Variants in TDP2 observed in about 807,000 individuals in gnomAD.
TDP2 encodes the protein 5'-Tyr-DNA phosphodiesterase.
Under a neutral mutation model 42.8 loss-of-function variants are expected in TDP2, and 38 were observed. The observed-to-expected ratio is 0.89, with a 90% CI of 0.68 to 1.16. The LOEUF is 1.16. Ranked by LOEUF, TDP2 falls within the 50% of genes most tolerant of loss-of-function variation. The pLI is 0.00. For missense variants in TDP2, 439 were observed against 439.3 expected, an observed-to-expected ratio of 1.00 and a Z score of 0.01; for synonymous variants, 173 against 150.6, an observed-to-expected ratio of 1.15 and a Z score of -1.09.
intron 2 of TDP2, among the ~76,000 whole-genome samples, chr6:24,660,839 T>C (rs1423806163): frequency 6.6e-6 from 1 of 152,246 alleles, no homozygotes; most frequent in Non-Finnish European, 1.5e-5. Context: ...ACAGGCCATT[T>C]ATCTTACAGA....
chr6:24,665,768 T>TA (rs1437087580), intron 2 of TDP2, among the ~76,000 whole-genome samples: 1 of 152,016 alleles, frequency 6.6e-6, no homozygotes, highest in South Asian at 2.1e-4. Flanking sequence ...TAAGAGTACC[T>TA]AAAAGGGGAC....
chr6:24,665,662 C>A (rs1384869799), intron 2 of TDP2, among the ~76,000 whole-genome samples: 1 of 152,100 alleles, frequency 6.6e-6, no homozygotes, highest in Middle Eastern at 3.2e-3. Flanking sequence ...AACAGATACT[C>A]CTTACTAGAT....
intron 2 of TDP2, among the ~76,000 whole-genome samples, chr6:24,664,165 G>A (rs1778195606): frequency 6.6e-6 from 1 of 152,092 alleles, no homozygotes; most frequent in African/African-American, 2.4e-5. Flanking sequence ...TCAAAATACA[G>A]ATTCTGATTC....
chr6:24,665,362 A>T (rs1778213666), intron 2 of TDP2, among the ~76,000 whole-genome samples: 1 of 152,256 alleles, frequency 6.6e-6, no homozygotes, highest in Admixed American at 6.5e-5. Flanking sequence ...CTCCTAGTCC[A>T]ACTTGCTCTG....
intron 2 of TDP2, among the ~76,000 whole-genome samples, chr6:24,664,583 G>A (rs955436370): frequency 6.6e-6 from 1 of 152,162 alleles, no homozygotes; most frequent in Non-Finnish European, 1.5e-5. Context: ...CCAGAATTGA[G>A]ATTCCTGCGC....
chr6:24,666,367 G>T, intron 2 of TDP2, 159 bp downstream of exon 2: 3 of 1,417,530 alleles, frequency 2.1e-6, no homozygotes, highest in South Asian at 2.6e-5. Context: ...GCAACTCCGC[G>T]CAGCAGCAGC....
intron 2 of TDP2, among the ~76,000 whole-genome samples, chr6:24,663,952 G>A (rs1381847902): frequency 1.3e-5 from 2 of 152,142 alleles, no homozygotes; most frequent in Non-Finnish European, 2.9e-5. Context: ...TTTCCTTTTG[G>A]AAAAATGAAA....
rs762368465 is a variant in TDP2 at position 24,666,868 on chromosome 6, T to G, written c.-6A>C. On this transcript the variant is annotated 5_prime_UTR_variant, in exon 1 of 7. Transcript: ENST00000378198. The stretch of plus-strand genomic sequence containing the variant: ...AGGCAACTCCCCAACTCCATCTTCC[T>G]GCCGCCTCTGCACCGCCCCTTTAAG... The G allele has an allele frequency of 1.2e-5, 19 of 1,612,998 alleles. No individual in the cohort carries two copies. In the African/African-American group the frequency reaches 2.1e-4, roughly 18 times the overall value.
Position 24,650,802 on chromosome 6 carries a change from C to G in TDP2, c.1075G>C (p.Asp359His). 2.5e-6 allele frequency: 4 copies of G among 1,613,774 alleles called. No individual in the cohort carries two copies. The highest frequency in any genetic ancestry group is 3.4e-6 in the Non-Finnish European group (4 of 1,179,828). ...SDHWGLLCNL[D>H]IIL ...TGAAAAGCATTTTACAATATTATAT[C>G]TAAGTTGCACAGAAGACCCCAGTGA... Residue 359 changes from aspartate to histidine, a missense_variant, in exon 7 of 7, where the codon GAT becomes CAT. Coordinates refer to ENST00000378198, the MANE Select transcript of TDP2 (RefSeq NM_016614.3).
Position 24,666,871 on chromosome 6 carries a change from C to T in TDP2, c.-9G>A, listed in dbSNP as rs369863568. 4.6e-4 allele frequency: 748 copies of T among 1,613,050 alleles called. 3 individuals carry two copies. In the African/African-American group the frequency reaches 5.9e-3, roughly 13 times the overall value. On this transcript the variant is annotated 5_prime_UTR_variant, in exon 1 of 7. Coordinates refer to ENST00000378198, the MANE Select transcript of TDP2 (RefSeq NM_016614.3). ...CAACTCCCCAACTCCATCTTCCTGCCGCCTCTGCACCGCCCCTTTAAGCGG... is the reference window on the plus strand; with the variant it reads ...CAACTCCCCAACTCCATCTTCCTGCTGCCTCTGCACCGCCCCTTTAAGCGG...
chr6:24,660,237 G>A (rs1238826293), intron 2 of TDP2, among the ~76,000 whole-genome samples: 2 of 151,902 alleles, frequency 1.3e-5, no homozygotes, highest in East Asian at 1.9e-4. Flanking sequence ...TCCTAAACAC[G>A]AAGACATGCT....
In TDP2 at chr6:24,664,181, G is replaced by T. The variant is rs552922597; in HGVS notation, c.251+2345C>A. ...CAAAATACAGATTCTGATTCAGTAG[G>T]TCTGGGTGAGACCTAAGATTCTGCA... On this transcript the variant is annotated intron_variant, in intron 2 of 6. Coordinates refer to ENST00000378198, the MANE Select transcript of TDP2 (RefSeq NM_016614.3). 2.0e-5 allele frequency among the ~76,000 whole-genome samples: 3 copies of T among 152,048 alleles called. No individual in the cohort carries two copies. In the South Asian group the frequency reaches 6.2e-4, roughly 32 times the overall value.
intron 3 of TDP2, among the ~76,000 whole-genome samples, chr6:24,658,251 G>A (rs1041836309): frequency 2.0e-5 from 3 of 152,220 alleles, no homozygotes; most frequent in African/African-American, 7.2e-5. Context: ...GAGAACTTAA[G>A]TGATTTGGCC....
At position 24,658,729 on chromosome 6, in the gene TDP2, T is replaced by G; in HGVS notation, c.257A>C (p.Asp86Ala). ...ATCAGTTGTTTCTTCATTGGTTAGG[T>G]CAACACTGGCAAGATCAGAATAAAA... is the stretch of plus-strand genomic sequence containing the variant. The part of the protein sequence containing the change: ...ETISEPKTYV[D>A]LTNEETTDST... The change falls in exon 3 of 7, where the codon GAC becomes GCC. Residue 86 changes from aspartate to alanine, a missense_variant. Transcript: ENST00000378198. 6.2e-7 allele frequency: 1 copy of G among 1,613,072 alleles called. No homozygotes were observed. The highest frequency in any genetic ancestry group is 8.5e-7 in the Non-Finnish European group (1 of 1,179,536).
At chr6:24,666,242 G>A (rs1397945796) in intron 2 of TDP2, 4 of 1,544,468 alleles carry the variant, frequency 2.6e-6, no homozygotes, top group Admixed American at 4.1e-5. Context: ...CAAACCTCTC[G>A]CTTACTTATT....
intron 2 of TDP2, among the ~76,000 whole-genome samples, chr6:24,665,758 T>C (rs1455588826): frequency 2.6e-5 from 4 of 152,162 alleles, no homozygotes; most frequent in Non-Finnish European, 5.9e-5. Context: ...CAGGATGCTA[T>C]AAGAGTACCT....
intron 2 of TDP2, among the ~76,000 whole-genome samples, chr6:24,664,643 T>C (rs1778203395): frequency 6.6e-6 from 1 of 152,224 alleles, no homozygotes; most frequent in African/African-American, 2.4e-5. Flanking sequence ...TGAGTTTTTC[T>C]GGTCATAAAA....
intron 2 of TDP2, among the ~76,000 whole-genome samples, chr6:24,661,758 T>C (rs1192341985): frequency 6.6e-6 from 1 of 152,192 alleles, no homozygotes; most frequent in African/African-American, 2.4e-5. Flanking sequence ...GTGAATTTCA[T>C]CCTACCCAAA....
Position 24,666,781 on chromosome 6 carries a change from G to C in TDP2, c.82C>G (p.Leu28Val), listed in dbSNP as rs146127613. The stretch of plus-strand genomic sequence containing the variant: ...GCGACCGAGGCAAACTCCACACACA[G>C]AAGTCGCCGCTTTTTCACCTCAGGC... Reference protein sequence around the residue: ...GEPEVKKRRLLCVEFASVASC... With the variant: ...GEPEVKKRRLVCVEFASVASC... Residue 28 changes from leucine to valine, a missense_variant, in exon 1 of 7, where the codon CTG becomes GTG. Coordinates refer to ENST00000378198, the MANE Select transcript of TDP2 (RefSeq NM_016614.3). 2.2e-3 allele frequency: 3,587 copies of C among 1,614,254 alleles called. 13 individuals are homozygous for C. Among genetic ancestry groups the C allele is most frequent in the Non-Finnish European group, 2.4e-3 (2,831 of 1,180,052 alleles).
Sources: allele counts gnomAD v4.1 joint callset (sites outside exome capture counted in the v4.1 genomes callset), GRCh38; gene constraint gnomAD v4.1.1; transcripts MANE v1.5; gene names NCBI Gene and HGNC (gene_info 2026-07-23, HGNC 2026-07-21).